Variants in NELL1 observed in about 807,000 individuals in gnomAD.
NELL1 encodes neural EGFL like 1.
Under a neutral mutation model 107.4 loss-of-function variants are expected in NELL1, and 76 were observed. That is an observed-to-expected ratio of 0.71 (90% CI 0.59 to 0.86). The LOEUF (loss-of-function observed/expected upper bound fraction) is 0.86, where lower values mean the gene tolerates loss of function less well. Among genes scored for constraint, NELL1 ranks in the 40% least tolerant of loss-of-function variants. The pLI, the probability that NELL1 is intolerant of heterozygous loss-of-function variation, is 0.00. For synonymous variants in NELL1, 353 were observed against 341.2 expected (o/e 1.03, Z -0.38); for missense variants, 1,024 against 1,005.5 (o/e 1.02, Z -0.25).
At chr11:20,929,476 T>C (rs1292592840) in intron 9 of NELL1, among the ~76,000 whole-genome samples, 2 of 151,746 alleles carry the variant, frequency 1.3e-5, no homozygotes, top group Non-Finnish European at 2.9e-5. Context: ...CACCCATTGC[T>C]CTGGGGGATG....
intron 15 of NELL1, among the ~76,000 whole-genome samples, chr11:21,524,586 G>A (rs973024458): frequency 2.0e-5 from 3 of 151,788 alleles, no homozygotes; most frequent in African/African-American, 7.3e-5. Context: ...GGAATAGGTG[G>A]GTATGTAAAG....
At chr11:21,139,094 T>C (rs1372686608) in intron 13 of NELL1, among the ~76,000 whole-genome samples, 1 of 152,224 alleles carries the variant, frequency 6.6e-6, no homozygotes, top group Non-Finnish European at 1.5e-5. Flanking sequence ...AGAGATGGCT[T>C]GTGAAGAATC....
At chr11:20,830,697 T>C (rs921206857) in intron 3 of NELL1, among the ~76,000 whole-genome samples, 6 of 152,152 alleles carry the variant, frequency 3.9e-5, no homozygotes, top group African/African-American at 1.4e-4. Context: ...TTCTTAAGAA[T>C]GCATTTCCAA....
intron 2 of NELL1, among the ~76,000 whole-genome samples, chr11:20,763,030 C>A (rs943184917): frequency 2.0e-5 from 3 of 152,272 alleles, no homozygotes; most frequent in African/African-American, 7.2e-5. Context: ...AAAAGCCCAA[C>A]TGTTGTTCCA....
At chr11:21,550,656 T>A (rs967224818) in intron 16 of NELL1, among the ~76,000 whole-genome samples, 3 of 152,088 alleles carry the variant, frequency 2.0e-5, no homozygotes, top group Non-Finnish European at 4.4e-5. Context: ...GTTGTAGATA[T>A]GAGGCATTAT....
intron 2 of NELL1, among the ~76,000 whole-genome samples, chr11:20,726,048 C>T (rs1163905689): frequency 3.3e-5 from 5 of 152,170 alleles, no homozygotes; most frequent in Non-Finnish European, 7.3e-5. Flanking sequence ...CCTCCAGCTG[C>T]ATCCATGTTG....
At chr11:20,998,612 T>G (rs1040526972) in intron 12 of NELL1, among the ~76,000 whole-genome samples, 5 of 152,196 alleles carry the variant, frequency 3.3e-5, no homozygotes, top group African/African-American at 9.7e-5. Flanking sequence ...AAATGCATCT[T>G]GAGAACTGTT....
chr11:21,251,330 T>C (rs1858632105), intron 14 of NELL1, among the ~76,000 whole-genome samples: 3 of 152,254 alleles, frequency 2.0e-5, no homozygotes, highest in Admixed American at 6.5e-5. Context: ...ATTCAGATCC[T>C]CTATTCCCCC....
intron 4 of NELL1, among the ~76,000 whole-genome samples, chr11:20,870,141 C>A (rs926720490): frequency 3.3e-5 from 5 of 152,094 alleles, no homozygotes; most frequent in African/African-American, 1.2e-4. Flanking sequence ...GTAAGTAGGG[C>A]AGGCATCATT....
intron 13 of NELL1, among the ~76,000 whole-genome samples, chr11:21,195,846 G>A (rs912405418): frequency 2.6e-5 from 4 of 152,252 alleles, no homozygotes; most frequent in South Asian, 2.1e-4. Context: ...GCCGAGCACC[G>A]AAGCAAGGGC....
chr11:21,214,181 C>A (rs1286268321), intron 13 of NELL1, among the ~76,000 whole-genome samples: 1 of 152,148 alleles, frequency 6.6e-6, no homozygotes, highest in Non-Finnish European at 1.5e-5. Context: ...TTATCCTTAT[C>A]TGTTGAACAT....
chr11:20,953,499 CAG>C (rs1402623866), intron 11 of NELL1, among the ~76,000 whole-genome samples: 1 of 152,026 alleles, frequency 6.6e-6, no homozygotes, highest in Admixed American at 6.6e-5. Context: ...GGGGGGGCCT[CAG>C]TGTAATAGGC....
intron 13 of NELL1, among the ~76,000 whole-genome samples, chr11:21,224,534 T>A (rs965919932): frequency 1.3e-5 from 2 of 152,162 alleles, no homozygotes; most frequent in South Asian, 4.1e-4. Flanking sequence ...GGCTATTTTT[T>A]AAAAATAGGT....
chr11:20,783,840 CTCTT>C lies in NELL1; in HGVS notation c.335+14_335+17del, dbSNP rs766530697. On this transcript the variant is annotated intron_variant, in intron 3 of 19. Coordinates refer to ENST00000357134, the MANE Select transcript of NELL1 (RefSeq NM_006157.5). ...GAGAACTGGAGCACAGGTAAGAAAG[CTCTT>C]TCTGCTTTTGAAAATCTCCTTAGAG... 4 of 1,600,902 alleles carry C rather than the reference CTCTT, an allele frequency of 2.5e-6. No homozygotes were observed. The highest frequency in any genetic ancestry group is 3.4e-6 in the Non-Finnish European group (4 of 1,173,816).
intron 15 of NELL1, among the ~76,000 whole-genome samples, chr11:21,516,478 G>A (rs1376984706): frequency 6.6e-6 from 1 of 152,028 alleles, no homozygotes; most frequent in African/African-American, 2.4e-5. Context: ...TCGTCCTTGT[G>A]CAAACATCAG....
chr11:21,553,062 C>A (rs1026137044), intron 16 of NELL1, among the ~76,000 whole-genome samples: 1 of 151,808 alleles, frequency 6.6e-6, no homozygotes, highest in Non-Finnish European at 1.5e-5. Flanking sequence ...GTTTTTAGAC[C>A]TTTGACTTCT....
At chr11:21,209,663 A>G (rs1857460023) in intron 13 of NELL1, among the ~76,000 whole-genome samples, 1 of 152,104 alleles carries the variant, frequency 6.6e-6, no homozygotes. Flanking sequence ...TCTTAAGTGT[A>G]TTTTCAGAGT....
chr11:21,136,050 G>A (rs1161118101), intron 13 of NELL1, among the ~76,000 whole-genome samples: 1 of 152,080 alleles, frequency 6.6e-6, no homozygotes, highest in Non-Finnish European at 1.5e-5. Context: ...ACCAAAACAG[G>A]GTAAAGGATT....
chr11:20,904,153 A>G (rs1849939831), intron 5 of NELL1, among the ~76,000 whole-genome samples: 1 of 152,160 alleles, frequency 6.6e-6, no homozygotes, highest in African/African-American at 2.4e-5. Context: ...GCACATGCAT[A>G]CATATGTAAC....
Sources: gnomAD v4.1 joint callset for allele counts (sites outside exome capture counted in the v4.1 genomes callset) on GRCh38, gnomAD v4.1.1 for gene constraint, MANE v1.5 for transcripts, NCBI Gene and HGNC (gene_info 2026-07-23, HGNC 2026-07-21) for gene names.